EPHB3: variants seen among roughly 807,000 people sequenced by gnomAD.
EPHB3 encodes EPH receptor B3.
EPHB3 carries 33 observed loss-of-function variants against 100.2 expected under a neutral mutation model. That is an observed-to-expected ratio of 0.33 (90% CI 0.25 to 0.44). The LOEUF (loss-of-function observed/expected upper bound fraction) is 0.44. Among genes scored for constraint, EPHB3 ranks in the 20% least tolerant of loss-of-function variants. The pLI is 1.00. For missense variants in EPHB3, 1,045 were observed against 1,378.3 expected, an observed-to-expected ratio of 0.76 and a Z score of 3.83; for synonymous variants, 526 against 554.7, an observed-to-expected ratio of 0.95 and a Z score of 0.73.
chr3:184,576,368 C>T (rs946701091), intron 4 of EPHB3, among the ~76,000 whole-genome samples: 1 of 152,186 alleles, frequency 6.6e-6, no homozygotes, highest in Non-Finnish European at 1.5e-5. Context: ...CCACTCTAAC[C>T]ATGGAGGGGG....
chr3:184,574,782 C>A (rs762610803), intron 3 of EPHB3, among the ~76,000 whole-genome samples: 30 of 152,198 alleles, frequency 2.0e-4, no homozygotes, highest in Non-Finnish European at 3.2e-4. Context: ...TAACACTCTG[C>A]AGGTCCCCGG....
At chr3:184,580,033 G>A in intron 11 of EPHB3, 99 bp downstream of exon 11, 3 of 1,518,058 alleles carry the variant, frequency 2.0e-6, no homozygotes, top group Non-Finnish European at 2.6e-6. Context: ...AAGTCCATAA[G>A]CATTTACTGA....
rs1359634408 is a variant in EPHB3 at position 184,569,512 on chromosome 3, C to G, written c.119-1806C>G. Among the ~76,000 whole-genome samples the G allele has an allele frequency of 6.6e-6, 1 of 152,174 alleles. No individual in the cohort carries two copies. Among genetic ancestry groups the G allele is most frequent in the Non-Finnish European group, 1.5e-5 (1 of 68,026 alleles). On this transcript the variant is annotated intron_variant, in intron 1 of 15. Coordinates refer to ENST00000330394, the MANE Select transcript of EPHB3 (RefSeq NM_004443.4). The surrounding 1 kb of genome is among the most constrained non-coding windows in gnomAD (Gnocchi z 5.4). ...TCTGTGGGCCCCGGCTTCTGAGCAT[C>G]TCGGCTTCCCTCGAGTACCCCCCAG...
In EPHB3 at chr3:184,562,464, C is replaced by T; in HGVS notation, c.118+111C>T. 1 of 1,118,296 alleles carries T rather than the reference C, an allele frequency of 8.9e-7. No individual in the cohort carries two copies. Among genetic ancestry groups the T allele is most frequent in the Non-Finnish European group, 1.1e-6 (1 of 913,868 alleles). 69.3% of individuals were successfully genotyped at this position (1,118,296 alleles called of 1,614,324 possible). A position where few individuals can be genotyped will look rare whatever the true frequency, so the allele number is the denominator to read the frequency against. ...GAGCGCACGTCGGAGGAGGCCCCGC[C>T]ACCGGCGCCCGCTCCGGGGCCCAGG... is the stretch of plus-strand genomic sequence containing the variant. On this transcript the variant is annotated intron_variant, in intron 1 of 15. Coordinates refer to ENST00000330394, the MANE Select transcript of EPHB3 (RefSeq NM_004443.4). The surrounding 1 kb of genome is among the most constrained non-coding windows in gnomAD (Gnocchi z 4.8).
chr3:184,571,047 C>T lies in EPHB3; in HGVS notation c.119-271C>T, dbSNP rs1351681635. ...CTCGGCTCACTGCAACCTCCGTCTC[C>T]CAGGTTCAAGCGATTCTCCTGCCTC... On this transcript the variant is annotated intron_variant, in intron 1 of 15. Transcript: ENST00000330394. This position sits in a 1 kb window ranked among gnomAD's most constrained non-coding sequence, Gnocchi z 5.0. 6.6e-6 allele frequency among the ~76,000 whole-genome samples: 1 copy of T among 151,842 alleles called. No individual in the cohort carries two copies. Among genetic ancestry groups the T allele is most frequent in the Non-Finnish European group, 1.5e-5 (1 of 67,970 alleles).
chr3:184,568,781 G>A (rs943197426), intron 1 of EPHB3, among the ~76,000 whole-genome samples: 7 of 152,224 alleles, frequency 4.6e-5, no homozygotes, highest in Non-Finnish European at 1.0e-4. Context: ...GCCCTTCCTC[G>A]GGCACACATG....
chr3:184,573,021 T>C lies in EPHB3; in HGVS notation c.701T>C (p.Leu234Pro), dbSNP rs1714579932. The C allele has an allele frequency of 6.2e-7, 1 of 1,612,828 alleles. No individual in the cohort carries two copies. The highest frequency in any genetic ancestry group is 1.3e-5 in the African/African-American group (1 of 74,928). The stretch of plus-strand genomic sequence containing the variant: ...CTCACTGGGGCGGAGCCCACCTCGC[T>C]GGTCATTGCTCCTGGCACCTGCATC... ...ETLTGAEPTSLVIAPGTCIPN... is the reference protein window; with the variant it reads ...ETLTGAEPTSPVIAPGTCIPN... The change falls in exon 3 of 16, where the codon CTG becomes CCG. Residue 234 changes from leucine (L) to proline (P), a missense_variant. This residue lies in a region of EPHB3 where 985 missense variants were observed against 1,331.1 expected (regional missense o/e 0.74). Transcript: ENST00000330394. This position sits in a 1 kb window ranked among gnomAD's most constrained non-coding sequence, Gnocchi z 4.5.
intron 4 of EPHB3, among the ~76,000 whole-genome samples, chr3:184,576,435 G>A (rs1714679370): frequency 6.6e-6 from 1 of 152,220 alleles, no homozygotes; most frequent in Non-Finnish European, 1.5e-5. Flanking sequence ...GGCCTTCGGT[G>A]TGCCGGGCAT....
In EPHB3 at chr3:184,579,461, C is replaced by A; in HGVS notation, c.1802-16C>A. The A allele has an allele frequency of 6.2e-7, 1 of 1,611,854 alleles. No individual in the cohort carries two copies. The highest frequency in any genetic ancestry group is 1.1e-5 in the South Asian group (1 of 91,000). ...GCTTGACGTTACCCTCTCACGCCCACCTCTTCTCCCTCCAGTTGCTCCTGG... is the reference window on the plus strand; with the variant it reads ...GCTTGACGTTACCCTCTCACGCCCAACTCTTCTCCCTCCAGTTGCTCCTGG... On this transcript the variant is annotated splice_polypyrimidine_tract_variant and intron_variant, in intron 9 of 15. Coordinates refer to ENST00000330394, the MANE Select transcript of EPHB3 (RefSeq NM_004443.4). This position sits in a 1 kb window ranked among gnomAD's most constrained non-coding sequence, Gnocchi z 5.2.
Position 184,572,489 on chromosome 3 carries a change from T to G in EPHB3, c.184-15T>G, listed in dbSNP as rs1342630605. On this transcript the variant is annotated splice_polypyrimidine_tract_variant and intron_variant, in intron 2 of 15. Coordinates refer to ENST00000330394, the MANE Select transcript of EPHB3 (RefSeq NM_004443.4). The surrounding 1 kb of genome is among the most constrained non-coding windows in gnomAD (Gnocchi z 6.6). The stretch of plus-strand genomic sequence containing the variant: ...GCAGGCATTCACTCTGTCTTTTTCA[T>G]TGGTCCATGCACAGTGGGAAGAGGT... 2 of 1,538,778 alleles carry G rather than the reference T, an allele frequency of 1.3e-6. No individual in the cohort carries two copies. Among genetic ancestry groups the G allele is most frequent in the African/African-American group, 2.8e-5 (2 of 71,942 alleles).
At position 184,580,840 on chromosome 3, in the gene EPHB3, T is replaced by C; in HGVS notation, c.2500T>C (p.Tyr834His). The change falls in exon 13 of 16, where the codon TAT becomes CAT. Residue 834 changes from tyrosine (Y) to histidine (H), a missense_variant. By Grantham distance (83) the Tyr-to-His change is moderately conservative (BLOSUM62 2). This residue lies in a region of EPHB3 where 985 missense variants were observed against 1,331.1 expected (regional missense o/e 0.74). Transcript: ENST00000330394. ...AATTGTCATGTGGGAGGTCATGAGC[T>C]ATGGAGAGCGACCCTACTGGGACAT... ...YGIVMWEVMS[Y>H]GERPYWDMSN... 1.2e-6 allele frequency: 2 copies of C among 1,614,176 alleles called. No individual in the cohort carries two copies. Among genetic ancestry groups the C allele is most frequent in the Non-Finnish European group, 1.7e-6 (2 of 1,180,010 alleles).
Position 184,577,183 on chromosome 3 carries a change from G to A in EPHB3, c.1354G>A (p.Ala452Thr), listed in dbSNP as rs1412087677. 1 of 1,591,878 alleles carries A rather than the reference G, an allele frequency of 6.3e-7. No individual in the cohort carries two copies. Among genetic ancestry groups the A allele is most frequent in the Non-Finnish European group, 8.6e-7 (1 of 1,166,072 alleles). Residue 452 changes from alanine to threonine, a missense_variant and splice_region_variant, in exon 5 of 16, where the codon GCC becomes ACC. Ala to Thr is a moderately conservative substitution (Grantham distance 58, BLOSUM62 0). Coordinates refer to ENST00000330394, the MANE Select transcript of EPHB3 (RefSeq NM_004443.4). This position sits in a 1 kb window ranked among gnomAD's most constrained non-coding sequence, Gnocchi z 4.9. The part of the protein sequence containing the change: ...AAVNITTNQA[A>T]PSEVPTLRLH... ...CGTGAATATCACCACAAACCAGGCT[G>A]GTGAGGAGGGGACACTGGAGGGTAG...
chr3:184,581,383 G>C lies in EPHB3; in HGVS notation c.2863G>C (p.Asp955His), dbSNP rs1714817514. 1 of 1,593,884 alleles carries C rather than the reference G, an allele frequency of 6.3e-7. No individual in the cohort carries two copies. Among genetic ancestry groups the C allele is most frequent in the Admixed American group, 1.7e-5 (1 of 58,352 alleles). ...CGTCAGTGCGGGGTTTGCATCTTTT[G>C]ACCTGGTGGCCCAGATGACGGCAGA... ...SFVSAGFASFDLVAQMTAEDL... is the reference protein window; with the variant it reads ...SFVSAGFASFHLVAQMTAEDL... The change falls in exon 15 of 16, where the codon GAC (aspartate) becomes CAC (histidine). Residue 955 changes from aspartate to histidine, a missense_variant. Asp to His is a moderately conservative substitution (Grantham distance 81, BLOSUM62 -1). Coordinates refer to ENST00000330394, the MANE Select transcript of EPHB3 (RefSeq NM_004443.4).
Position 184,569,305 on chromosome 3 carries a change from C to G in EPHB3, c.119-2013C>G, listed in dbSNP as rs1560055401. On this transcript the variant is annotated intron_variant, in intron 1 of 15. Coordinates refer to ENST00000330394, the MANE Select transcript of EPHB3 (RefSeq NM_004443.4). The surrounding 1 kb of genome is among the most constrained non-coding windows in gnomAD (Gnocchi z 5.4). The stretch of plus-strand genomic sequence containing the variant: ...GCTGGGGACGAGGCCGCCTGGCAAC[C>G]TCCCTCTGTCCCTGTCTCCTCGGGC... 6.6e-6 allele frequency among the ~76,000 whole-genome samples: 1 copy of G among 152,096 alleles called. No individual in the cohort carries two copies. The highest frequency in any genetic ancestry group is 6.5e-5 in the Admixed American group (1 of 15,286).
rs1410214230 is a variant in EPHB3, at chr3:184,565,525, C to T, written c.118+3172C>T. On this transcript the variant is annotated intron_variant, in intron 1 of 15. Coordinates refer to ENST00000330394, the MANE Select transcript of EPHB3 (RefSeq NM_004443.4). This position sits in a 1 kb window ranked among gnomAD's most constrained non-coding sequence, Gnocchi z 4.8. ...CGCAGGAGGTGGGGCCAGCACGTCC[C>T]CCTCCAGCCAAGCCTTGGTAGCTGA... Among the ~76,000 whole-genome samples the T allele has an allele frequency of 6.6e-6, 1 of 152,178 alleles. No individual in the cohort carries two copies. Among genetic ancestry groups the T allele is most frequent in the Non-Finnish European group, 1.5e-5 (1 of 68,026 alleles).
rs751566289 is a variant in EPHB3, at chr3:184,577,217, T to A, written c.1354+34T>A. The A allele has an allele frequency of 1.3e-6, 2 of 1,574,502 alleles. No individual in the cohort carries two copies. The highest frequency in any genetic ancestry group is 1.7e-6 in the Non-Finnish European group (2 of 1,157,336). On this transcript the variant is annotated intron_variant, in intron 5 of 15. Coordinates refer to ENST00000330394, the MANE Select transcript of EPHB3 (RefSeq NM_004443.4). This position sits in a 1 kb window ranked among gnomAD's most constrained non-coding sequence, Gnocchi z 4.9. ...GGGACACTGGAGGGTAGGGCCTGGG[T>A]CACTTTCTCCTGGATGAGGTGTCCC...
chr3:184,574,570 T>C (rs931430243), intron 3 of EPHB3, among the ~76,000 whole-genome samples: 1 of 152,070 alleles, frequency 6.6e-6, no homozygotes, highest in Non-Finnish European at 1.5e-5. Flanking sequence ...CTCTGAGGGG[T>C]AGGTGATGAC....
rs1008473358 is a variant in EPHB3 at position 184,565,868 on chromosome 3, AGCCGAAGCT to A, written c.118+3529_118+3537del. On this transcript the variant is annotated intron_variant, in intron 1 of 15. Coordinates refer to ENST00000330394, the MANE Select transcript of EPHB3 (RefSeq NM_004443.4). The surrounding 1 kb of genome is among the most constrained non-coding windows in gnomAD (Gnocchi z 4.8). The stretch of plus-strand genomic sequence containing the variant: ...AGCTTCAGCGGCTGCTGCGAGCTGA[AGCCGAAGCT>A]GCCGAAGCTGCCGTGGGCAAGGCCT... Among the ~76,000 whole-genome samples, 2 of 152,252 alleles carry A rather than the reference AGCCGAAGCT, an allele frequency of 1.3e-5. No homozygotes were observed. Among genetic ancestry groups the A allele is most frequent in the African/African-American group, 2.4e-5 (1 of 41,466 alleles).
rs375178304 is a variant in EPHB3 at position 184,571,448 on chromosome 3, C to T, written c.183+66C>T. 80 of 1,567,206 alleles carry T rather than the reference C, an allele frequency of 5.1e-5. No individual in the cohort carries two copies. In the East Asian group the frequency reaches 9.5e-4, roughly 19 times the overall value. On this transcript the variant is annotated intron_variant, in intron 2 of 15. Coordinates refer to ENST00000330394, the MANE Select transcript of EPHB3 (RefSeq NM_004443.4). This position sits in a 1 kb window ranked among gnomAD's most constrained non-coding sequence, Gnocchi z 5.0. ...TAGGCCTCCCCCCACTTCCAGCCTC[C>T]GTGCCCCCTCATCTCACCAGGGCCT...
Sources: gnomAD v4.1 joint callset for allele counts (sites outside exome capture counted in the v4.1 genomes callset) on GRCh38, gnomAD v4.1.1 for gene constraint, gnomAD v4.1.1 regional missense constraint, Gnocchi (gnomAD v3.1) non-coding constraint, MANE v1.5 for transcripts, NCBI Gene and HGNC (gene_info 2026-07-23, HGNC 2026-07-21) for gene names.